Variants in CNTNAP2 observed in about 807,000 individuals in gnomAD.
CNTNAP2 encodes contactin associated protein 2.
A neutral mutation model predicts 155.2 loss-of-function variants in CNTNAP2; 98 were observed. The observed-to-expected ratio is 0.63, with a 90% CI of 0.54 to 0.75. The LOEUF (loss-of-function observed/expected upper bound fraction) is 0.75, where lower values mean the gene tolerates loss of function less well. Ranked by LOEUF, CNTNAP2 falls within the 30% of genes least tolerant of loss-of-function variation. CNTNAP2 has a pLI of 0.00. For missense variants in CNTNAP2, 1,727 were observed against 1,688.1 expected (o/e 1.02, Z -0.40); for synonymous variants, 651 against 631.2 (o/e 1.03, Z -0.47).
intron 1 of CNTNAP2, among the ~76,000 whole-genome samples, chr7:146,391,728 T>C (rs1795547252): frequency 6.6e-6 from 1 of 151,728 alleles, no homozygotes; most frequent in Admixed American, 6.6e-5. Flanking sequence ...GCTCCATCTA[T>C]TTCCCTGCAA....
chr7:148,056,456 A>G (rs949932478), intron 15 of CNTNAP2: 1 of 152,214 alleles, frequency 6.6e-6, no homozygotes, highest in Admixed American at 6.5e-5. Flanking sequence ...TACATTTTTA[A>G]CAGTATAAAC....
At chr7:147,619,715 G>T (rs1801357155) in intron 12 of CNTNAP2, among the ~76,000 whole-genome samples, 3 of 152,194 alleles carry the variant, frequency 2.0e-5, no homozygotes, top group African/African-American at 7.2e-5. Context: ...GATTGCTGGA[G>T]GATGGCAACT....
intron 10 of CNTNAP2, among the ~76,000 whole-genome samples, chr7:147,407,792 C>A (rs372301630): frequency 2.6e-5 from 4 of 152,132 alleles, no homozygotes; most frequent in African/African-American, 9.7e-5. Context: ...CCACTATCAG[C>A]TGCGTGGTTA....
chr7:146,737,163 T>C (rs1425862752), intron 1 of CNTNAP2, among the ~76,000 whole-genome samples: 2 of 152,152 alleles, frequency 1.3e-5, no homozygotes, highest in African/African-American at 4.8e-5. Context: ...TTATTTATAG[T>C]AACAGGCAAA....
At chr7:147,511,283 CTA>C (rs1381421993) in intron 11 of CNTNAP2, among the ~76,000 whole-genome samples, 1 of 152,056 alleles carries the variant, frequency 6.6e-6, no homozygotes, top group Non-Finnish European at 1.5e-5. Context: ...TTGAGCCCCT[CTA>C]GCACTTTTTC....
chr7:147,347,469 T>TGC (rs1329174572), intron 9 of CNTNAP2, among the ~76,000 whole-genome samples: 1 of 59,938 alleles, frequency 1.7e-5, no homozygotes, highest in African/African-American at 3.4e-5. Context: ...TATATATATA[T>TGC]ATATATGCAT....
At chr7:147,317,496 T>G (rs2692157) in intron 9 of CNTNAP2, among the ~76,000 whole-genome samples, 1 of 151,994 alleles carries the variant, frequency 6.6e-6, no homozygotes, top group South Asian at 2.1e-4. Flanking sequence ...GCTAATAGAG[T>G]GTTATGCTGC....
In CNTNAP2 at chr7:146,936,851, T is replaced by C. The variant is rs1207053661; in HGVS notation, c.402+96947T>C. The stretch of plus-strand genomic sequence containing the variant: ...TCCCTTTTATGTCTATAGATCTTCT[T>C]CCACCATGTGGCTGTACTAGAGTCT... On this transcript the variant is annotated intron_variant, in intron 3 of 23. Coordinates refer to ENST00000361727, the MANE Select transcript of CNTNAP2 (RefSeq NM_014141.6). Among the ~76,000 whole-genome samples, 6 of 152,166 alleles carry C rather than the reference T, an allele frequency of 3.9e-5. No homozygotes were observed. The South Asian group carries it at 1.2e-3, about 31-fold the overall frequency.
chr7:148,359,402 A>G (rs1206150975), intron 21 of CNTNAP2, among the ~76,000 whole-genome samples: 1 of 152,250 alleles, frequency 6.6e-6, no homozygotes, highest in Non-Finnish European at 1.5e-5. Flanking sequence ...TATTTTGTAT[A>G]CTAAATTTGA....
At chr7:148,181,738 GC>G (rs1257236417) in intron 18 of CNTNAP2, among the ~76,000 whole-genome samples, 171 of 114,044 alleles carry the variant, frequency 1.5e-3, no homozygotes, top group East Asian at 2.5e-3. Flanking sequence ...TCAAGTGTGT[GC>G]CCTTTTTTTT....
chr7:146,617,710 T>C (rs1799249235), intron 1 of CNTNAP2, among the ~76,000 whole-genome samples: 2 of 152,178 alleles, frequency 1.3e-5, no homozygotes, highest in African/African-American at 4.8e-5. Flanking sequence ...ACAATAAAAT[T>C]TCAAGAAATG....
At chr7:146,344,266 A>G (rs1251747430) in intron 1 of CNTNAP2, among the ~76,000 whole-genome samples, 3 of 152,212 alleles carry the variant, frequency 2.0e-5, no homozygotes, top group Non-Finnish European at 4.4e-5. Flanking sequence ...AAACTCCAGC[A>G]TATTATATTT....
chr7:147,552,279 G>T (rs1799866403), intron 11 of CNTNAP2, among the ~76,000 whole-genome samples: 2 of 151,752 alleles, frequency 1.3e-5, no homozygotes, highest in South Asian at 2.1e-4. Context: ...ATTTTTTAAT[G>T]GTTTATTTTT....
intron 8 of CNTNAP2, among the ~76,000 whole-genome samples, chr7:147,263,497 G>A (rs1298708772): frequency 6.6e-6 from 1 of 152,102 alleles, no homozygotes; most frequent in Admixed American, 6.5e-5. Flanking sequence ...AGTAAACATT[G>A]TTCTTCCTTG....
chr7:148,257,302 G>C (rs188932258), intron 20 of CNTNAP2, among the ~76,000 whole-genome samples: 1 of 152,178 alleles, frequency 6.6e-6, no homozygotes, highest in Non-Finnish European at 1.5e-5. Context: ...AAAGGCATCC[G>C]CCGTGAAACA....
intron 6 of CNTNAP2, 110 bp from the exon 7 acceptor site, chr7:147,128,583 T>A (rs1436264403): frequency 8.4e-7 from 1 of 1,189,254 alleles, no homozygotes; most frequent in African/African-American, 1.5e-5. Context: ...GCTATAATAT[T>A]TGTATATTTT....
chr7:146,352,750 G>GTTTGTTTTTTTT (rs1794934502), intron 1 of CNTNAP2, among the ~76,000 whole-genome samples: 1 of 64,338 alleles, frequency 1.6e-5, no homozygotes, highest in Non-Finnish European at 2.9e-5. Flanking sequence ...GCATAATTCT[G>GTTTGTTTTTTTT]TTTTTTTTTT....
At chr7:147,365,112 T>A (rs1009079014) in intron 9 of CNTNAP2, among the ~76,000 whole-genome samples, 16 of 151,998 alleles carry the variant, frequency 1.1e-4, no homozygotes, top group Non-Finnish European at 2.1e-4. Context: ...TTTTAAAACT[T>A]ATATGAATAG....
At chr7:146,531,320 A>G (rs1797766245) in intron 1 of CNTNAP2, among the ~76,000 whole-genome samples, 2 of 152,220 alleles carry the variant, frequency 1.3e-5, no homozygotes, top group Non-Finnish European at 1.5e-5. Flanking sequence ...AACCCCTGCG[A>G]ACAAACAATT....
Sources: gnomAD v4.1 joint callset for allele counts (sites outside exome capture counted in the v4.1 genomes callset) on GRCh38, gnomAD v4.1.1 for gene constraint, MANE v1.5 for transcripts, NCBI Gene and HGNC (gene_info 2026-07-23, HGNC 2026-07-21) for gene names.